TPST1: variants seen among roughly 807,000 people sequenced by gnomAD.
TPST1 encodes tyrosylprotein sulfotransferase 1.
In TPST1, 20 loss-of-function variants were observed where a neutral mutation model predicts 34.8. The observed-to-expected ratio is 0.57, with a 90% CI of 0.40 to 0.84. The LOEUF is 0.84. Among genes scored for constraint, TPST1 ranks in the 40% least tolerant of loss-of-function variants. TPST1 has a pLI of 0.00. For synonymous variants in TPST1, 152 were observed against 159.4 expected, an observed-to-expected ratio of 0.95 and a Z score of 0.35; for missense variants, 353 against 455.5, an observed-to-expected ratio of 0.78 and a Z score of 2.05.
At chr7:66,258,549 A>C (rs1003497848) in intron 2 of TPST1, among the ~76,000 whole-genome samples, 6 of 152,276 alleles carry the variant, frequency 3.9e-5, no homozygotes, top group African/African-American at 1.4e-4. Context: ...TTCATGTGCA[A>C]AATTACGGGA....
chr7:66,327,995 T>C (rs1464881093), intron 3 of TPST1, among the ~76,000 whole-genome samples: 27 of 145,016 alleles, frequency 1.9e-4, no homozygotes, highest in African/African-American at 6.8e-4. Context: ...TTTTTCTTTC[T>C]TTTTTTTTTC....
chr7:66,211,674 A>G (rs1288764409), intron 1 of TPST1, among the ~76,000 whole-genome samples: 1 of 152,190 alleles, frequency 6.6e-6, no homozygotes, highest in Admixed American at 6.5e-5. Flanking sequence ...TTGTTTTAAA[A>G]ACACACAGTC....
At chr7:66,321,211 G>C (rs867955392) in intron 3 of TPST1, among the ~76,000 whole-genome samples, 1 of 152,234 alleles carries the variant, frequency 6.6e-6, no homozygotes, top group Admixed American at 6.5e-5. Context: ...CCTCTCAGTG[G>C]AGTCAGACAG....
chr7:66,310,969 G>A (rs940302501), intron 3 of TPST1, among the ~76,000 whole-genome samples: 2 of 151,992 alleles, frequency 1.3e-5, no homozygotes, highest in African/African-American at 4.8e-5. Context: ...GGGATTATAG[G>A]CATATAGGCA....
chr7:66,224,831 C>T (rs1350538159), intron 1 of TPST1, among the ~76,000 whole-genome samples: 7 of 146,696 alleles, frequency 4.8e-5, no homozygotes, highest in African/African-American at 7.5e-5. Flanking sequence ...TCCTCAGATA[C>T]GTTTATTGCA....
intron 2 of TPST1, 49 bp downstream of exon 2, chr7:66,241,319 T>A: frequency 6.4e-7 from 1 of 1,551,198 alleles, no homozygotes; most frequent in South Asian, 1.3e-5. Flanking sequence ...TAGCTAATAA[T>A]GATCTATACA....
At chr7:66,302,627 C>T (rs1781105730) in intron 3 of TPST1, among the ~76,000 whole-genome samples, 1 of 152,174 alleles carries the variant, frequency 6.6e-6, no homozygotes, top group South Asian at 2.1e-4. Context: ...CTTTTCTGCC[C>T]ACTTGTACCC....
intron 2 of TPST1, among the ~76,000 whole-genome samples, chr7:66,256,809 T>G (rs1220230204): frequency 6.6e-6 from 1 of 152,136 alleles, no homozygotes; most frequent in African/African-American, 2.4e-5. Context: ...CCCCAATGAC[T>G]CATGTCTCTT....
At chr7:66,314,479 C>G (rs147475546) in intron 3 of TPST1, among the ~76,000 whole-genome samples, 161 of 152,226 alleles carry the variant, frequency 1.1e-3, no homozygotes, top group African/African-American at 3.6e-3. Flanking sequence ...CACCACTGCA[C>G]TCCAGCCTGA....
chr7:66,339,109 G>A (rs961451141), intron 3 of TPST1, among the ~76,000 whole-genome samples: 1 of 151,492 alleles, frequency 6.6e-6, no homozygotes, highest in Non-Finnish European at 1.5e-5. Flanking sequence ...AAGTGTTGGG[G>A]GGTGGTGGGT....
At chr7:66,215,202 G>A (rs963108818) in intron 1 of TPST1, among the ~76,000 whole-genome samples, 1 of 145,066 alleles carries the variant, frequency 6.9e-6, no homozygotes, top group Non-Finnish European at 1.5e-5. Context: ...CTACAGGCAC[G>A]TGCCACCAAG....
intron 3 of TPST1, among the ~76,000 whole-genome samples, chr7:66,347,060 T>TTTTC (rs1792368941): frequency 1.3e-4 from 2 of 14,820 alleles, no homozygotes; most frequent in African/African-American, 5.0e-4. Flanking sequence ...TTTGCTTTTC[T>TTTTC]TTTTTTTTTT....
At chr7:66,234,170 C>T (rs1789857046) in intron 1 of TPST1, among the ~76,000 whole-genome samples, 1 of 152,202 alleles carries the variant, frequency 6.6e-6, no homozygotes, top group African/African-American at 2.4e-5. Flanking sequence ...CTTCCTGCTT[C>T]TTGAATGCGT....
intron 3 of TPST1, among the ~76,000 whole-genome samples, chr7:66,344,948 T>G (rs1291447222): frequency 1.4e-5 from 2 of 140,210 alleles, no homozygotes; most frequent in Non-Finnish European, 3.1e-5. Flanking sequence ...ATGGTCTCGA[T>G]CTCCTGACCT....
intron 3 of TPST1, among the ~76,000 whole-genome samples, chr7:66,348,575 T>C (rs930041132): frequency 6.6e-6 from 1 of 152,210 alleles, no homozygotes; most frequent in African/African-American, 2.4e-5. Flanking sequence ...TGTAGAAACA[T>C]TTGGCTTCTG....
chr7:66,306,527 T>G (rs1250822228), intron 3 of TPST1, among the ~76,000 whole-genome samples: 1 of 152,180 alleles, frequency 6.6e-6, no homozygotes, highest in Non-Finnish European at 1.5e-5. Context: ...CTATCAGAGT[T>G]TTAGCCACCT....
At chr7:66,346,184 CATATAT>C (rs35882416) in intron 3 of TPST1, among the ~76,000 whole-genome samples, 1 of 149,010 alleles carries the variant, frequency 6.7e-6, no homozygotes, top group African/African-American at 2.5e-5. Context: ...CTGAATAGTA[CATATAT>C]ATATATATAT....
At chr7:66,317,558 T>C (rs1400366240) in intron 3 of TPST1, among the ~76,000 whole-genome samples, 1 of 152,080 alleles carries the variant, frequency 6.6e-6, no homozygotes, top group Non-Finnish European at 1.5e-5. Flanking sequence ...ATTTCCCTAG[T>C]ATATCGTTTT....
intron 3 of TPST1, among the ~76,000 whole-genome samples, chr7:66,342,786 A>G (rs1222283732): frequency 6.6e-6 from 1 of 152,178 alleles, no homozygotes; most frequent in Admixed American, 6.5e-5. Context: ...AACTATAGTT[A>G]TAGAGTAAGA....
Sources: gnomAD v4.1 joint callset for allele counts (sites outside exome capture counted in the v4.1 genomes callset) on GRCh38, gnomAD v4.1.1 for gene constraint, MANE v1.5 for transcripts, NCBI Gene and HGNC (gene_info 2026-07-23, HGNC 2026-07-21) for gene names.